RNF216: variants seen among roughly 807,000 people sequenced by gnomAD.
RNF216 encodes ring finger protein 216, also known as E3 ubiquitin-protein ligase RNF216.
A neutral mutation model predicts 110.8 loss-of-function variants in RNF216; 72 were observed. That is an observed-to-expected ratio of 0.65 (90% CI 0.54 to 0.79). The LOEUF (loss-of-function observed/expected upper bound fraction) is 0.79. RNF216 is among the 30% of genes least tolerant of loss of function. The probability of loss-of-function intolerance (pLI) is 0.00; values close to 1 mark genes in which losing one functional copy is unlikely to be tolerated. For missense variants in RNF216, 1,342 were observed against 1,141.2 expected, an observed-to-expected ratio of 1.18 and a Z score of -2.54; for synonymous variants, 495 against 407.5, an observed-to-expected ratio of 1.21 and a Z score of -2.59.
chr7:5,622,873 C>T lies in RNF216; in HGVS notation c.2759G>A (p.Arg920Gln), dbSNP rs771721295. The change falls in exon 17 of 17, where the codon CGG becomes CAG. Residue 920 changes from arginine (R) to glutamine (Q), a missense_variant. Transcript: ENST00000389902. ...NLPMHFGPQP[R>Q]HRF ...GATTCGGGGCCATCAGAAGCGATGC[C>T]GCGGCTGGGGGCCAAAGTGCATGGG... 18 of 1,601,482 alleles carry T rather than the reference C, an allele frequency of 1.1e-5. No individual in the cohort carries two copies. Among genetic ancestry groups the T allele is most frequent in the South Asian group, 1.0e-4 (9 of 90,412 alleles).
intron 13 of RNF216, among the ~76,000 whole-genome samples, chr7:5,682,488 AC>A (rs1232836680): frequency 2.0e-5 from 3 of 151,120 alleles, no homozygotes; most frequent in South Asian, 2.1e-4. Flanking sequence ...TCTTACTGCA[AC>A]CCCTGCTTCC....
At position 5,696,906 on chromosome 7, in the gene RNF216, C is replaced by A. The variant is rs116905468; in HGVS notation, c.2061+14855G>T. The stretch of plus-strand genomic sequence containing the variant: ...CTATATCTGATCTCTCCCTCCCTCC[C>A]ACTCCCTTTCAAGGATCTACAAAAT... On this transcript the variant is annotated intron_variant, in intron 13 of 16. Coordinates refer to ENST00000389902, the MANE Select transcript of RNF216 (RefSeq NM_207111.4). The surrounding 1 kb of genome is among the most constrained non-coding windows in gnomAD (Gnocchi z 5.4). Among the ~76,000 whole-genome samples the A allele has an allele frequency of 6.6e-6, 1 of 152,104 alleles. No individual in the cohort carries two copies. The highest frequency in any genetic ancestry group is 2.1e-4 in the South Asian group (1 of 4,824).
intron 11 of RNF216, among the ~76,000 whole-genome samples, chr7:5,714,216 C>A (rs776316836): frequency 7.6e-4 from 116 of 152,264 alleles, no homozygotes; most frequent in Non-Finnish European, 6.0e-4. Flanking sequence ...CCAACTTAGC[C>A]TCCCAAAGTG....
intron 1 of RNF216, among the ~76,000 whole-genome samples, chr7:5,779,697 TGC>T (rs1329718969): frequency 3.5e-5 from 5 of 143,802 alleles, no homozygotes; most frequent in Non-Finnish European, 6.0e-5. Flanking sequence ...AGCGTGGTGG[TGC>T]GCGCCTGTAA....
intron 13 of RNF216, among the ~76,000 whole-genome samples, chr7:5,663,251 A>G (rs1035657258): frequency 6.6e-6 from 1 of 152,142 alleles, no homozygotes; most frequent in Non-Finnish European, 1.5e-5. Flanking sequence ...CACTATGGAC[A>G]GGCTTGGCAT....
At chr7:5,729,649 C>A in intron 6 of RNF216, 53 bp from the exon 7 acceptor site, 1 of 1,395,668 alleles carries the variant, frequency 7.2e-7, no homozygotes, top group Non-Finnish European at 1.0e-6. Context: ...ATTTCCCATA[C>A]AGGGGAAATC....
intron 3 of RNF216, among the ~76,000 whole-genome samples, chr7:5,743,342 A>C (rs766365685): frequency 2.0e-5 from 3 of 152,138 alleles, no homozygotes; most frequent in Non-Finnish European, 2.9e-5. Context: ...TGTTCTATAA[A>C]CTCTATCGAA....
intron 15 of RNF216, among the ~76,000 whole-genome samples, chr7:5,637,698 C>G (rs1488513796): frequency 6.6e-6 from 1 of 152,154 alleles, no homozygotes; most frequent in Non-Finnish European, 1.5e-5. Context: ...CACCACCACC[C>G]CTGGATAACT....
At position 5,712,799 on chromosome 7, in the gene RNF216, A is replaced by G. The variant is rs756442697; in HGVS notation, c.1898T>C (p.Val633Ala). The change falls in exon 12 of 17, where the codon GTG becomes GCG. Residue 633 changes from valine to alanine, a missense_variant. Physicochemically the swap from Val to Ala is moderately conservative, Grantham distance 64 (BLOSUM62 0). Coordinates refer to ENST00000389902, the MANE Select transcript of RNF216 (RefSeq NM_207111.4). ...CTTATACAGGATGGTCTGGGGGAGC[A>G]CCTTCTCCAGCTCACTGGTTGGGAA... is the stretch of plus-strand genomic sequence containing the variant. The part of the protein sequence containing the change: ...CSFPTSELEK[V>A]LPQTILYKYY... 6.2e-7 allele frequency: 1 copy of G among 1,614,002 alleles called. No individual in the cohort carries two copies. The highest frequency in any genetic ancestry group is 1.1e-5 in the South Asian group (1 of 91,074).
chr7:5,761,675 A>AC (rs1289675605), intron 1 of RNF216, among the ~76,000 whole-genome samples: 1 of 151,710 alleles, frequency 6.6e-6, no homozygotes, highest in Non-Finnish European at 1.5e-5. Context: ...AATCCCAGCT[A>AC]CTCTGGACAC....
intron 2 of RNF216, among the ~76,000 whole-genome samples, chr7:5,754,125 T>TG (rs1795485532): frequency 1.3e-3 from 106 of 84,622 alleles, no homozygotes; most frequent in African/African-American, 4.9e-3. Flanking sequence ...GTGTGGTGTG[T>TG]GTGTGTGTGT....
At chr7:5,631,585 G>A (rs1787074779) in intron 15 of RNF216, among the ~76,000 whole-genome samples, 1 of 151,996 alleles carries the variant, frequency 6.6e-6, no homozygotes, top group South Asian at 2.1e-4. Flanking sequence ...CAAGTTACTT[G>A]AATCCCATGG....
chr7:5,714,493 G>C (rs1792916772), intron 11 of RNF216, among the ~76,000 whole-genome samples: 1 of 149,920 alleles, frequency 6.7e-6, no homozygotes, highest in South Asian at 2.1e-4. Context: ...CCTGACCTCA[G>C]GTGATCCGCC....
chr7:5,714,787 T>G (rs1265047631), intron 11 of RNF216, among the ~76,000 whole-genome samples: 1 of 152,216 alleles, frequency 6.6e-6, no homozygotes. Flanking sequence ...TAACCTTCCC[T>G]CTGAATACAA....
intron 13 of RNF216, among the ~76,000 whole-genome samples, chr7:5,656,751 A>G (rs547821175): frequency 6.6e-6 from 1 of 152,334 alleles, no homozygotes; most frequent in South Asian, 2.1e-4. Flanking sequence ...GTCTTCCTTT[A>G]TTCATTTTCT....
rs200453921 is a variant in RNF216, at chr7:5,623,012, T to G, written c.2620A>C (p.Asn874His). 1 of 1,614,012 alleles carries G rather than the reference T, an allele frequency of 6.2e-7. No homozygotes were observed. The highest frequency in any genetic ancestry group is 2.2e-5 in the East Asian group (1 of 44,870). ...FPLPPVRPVF[N>H]NFPLNMGPIP... ...GGCCCCATGTTGAGTGGGAAGTTGT[T>G]GAACACAGGCCGCACGGGAGGCAGG... Residue 874 changes from asparagine to histidine, a missense_variant, in exon 17 of 17, where the codon AAC becomes CAC. Asn to His is a moderately conservative substitution (Grantham distance 68). Transcript: ENST00000389902.
chr7:5,717,314 T>C (rs138052217), intron 9 of RNF216, among the ~76,000 whole-genome samples: 2,701 of 152,216 alleles, frequency 0.018, 33 homozygotes, highest in Non-Finnish European at 0.026. Context: ...AATCGCACCA[T>C]TGCACTCTAG....
At chr7:5,702,111 G>A (rs1271934869) in intron 13 of RNF216, among the ~76,000 whole-genome samples, 1 of 152,174 alleles carries the variant, frequency 6.6e-6, no homozygotes, top group Non-Finnish European at 1.5e-5. Flanking sequence ...AGACTTCCTT[G>A]GCTCTGAAAT....
At chr7:5,778,531 T>G (rs1422611173) in intron 1 of RNF216, among the ~76,000 whole-genome samples, 1 of 152,180 alleles carries the variant, frequency 6.6e-6, no homozygotes, top group Non-Finnish European at 1.5e-5. Context: ...AGAACCAAAG[T>G]GTCACTTGAT....
Sources: allele counts gnomAD v4.1 joint callset (sites outside exome capture counted in the v4.1 genomes callset), GRCh38; gene constraint gnomAD v4.1.1; non-coding constraint Gnocchi (gnomAD v3.1); transcripts MANE v1.5; gene names NCBI Gene and HGNC (gene_info 2026-07-23, HGNC 2026-07-21).